Variants in OSBPL9 observed in about 807,000 individuals in gnomAD.
OSBPL9 encodes oxysterol-binding protein-related protein 9.
Under a neutral mutation model 106.6 loss-of-function variants are expected in OSBPL9, and 40 were observed. That is an observed-to-expected ratio of 0.38 (90% confidence interval 0.29 to 0.49). OSBPL9 has a LOEUF of 0.49. Among genes scored for constraint, OSBPL9 ranks in the 20% least tolerant of loss-of-function variants. The pLI is 0.97. For missense variants in OSBPL9, 609 were observed against 887.2 expected (o/e 0.69, Z 3.98); for synonymous variants, 269 against 295.4 (o/e 0.91, Z 0.92).
chr1:51,534,460 A>G, the OSBPL9 span, among the ~76,000 whole-genome samples: 1 of 152,168 alleles, frequency 6.6e-6, no homozygotes, highest in African/African-American at 2.4e-5. Context: ...TCATCCCCTG[A>G]TGTTGGTAGG....
chr1:51,731,135 A>G (rs1038036010), intron 4 of OSBPL9, among the ~76,000 whole-genome samples: 2 of 151,812 alleles, frequency 1.3e-5, no homozygotes, highest in Admixed American at 6.6e-5. Flanking sequence ...GGGAAGGTGT[A>G]TGATTAAAAG....
chr1:51,650,629 C>T (rs535320057), intron 1 of OSBPL9, among the ~76,000 whole-genome samples: 3 of 152,188 alleles, frequency 2.0e-5, no homozygotes, highest in East Asian at 1.9e-4. Context: ...TGAATTCTTA[C>T]GGCTCAAGAC....
At chr1:51,616,904 G>T (rs1033800300), upstream of OSBPL9, 5 of 788,828 alleles carry the variant, frequency 6.3e-6, no homozygotes, top group Non-Finnish European at 9.6e-6. Context: ...CAGTATTCAC[G>T]TTTGCATTCT....
chr1:51,529,129 T>C, the OSBPL9 span, among the ~76,000 whole-genome samples: 1 of 152,226 alleles, frequency 6.6e-6, no homozygotes, highest in African/African-American at 2.4e-5. Flanking sequence ...CCAGTTAGCT[T>C]CTTTGTATAA....
At chr1:51,669,574 G>T in intron 3 of OSBPL9, 62 bp downstream of exon 3, 5 of 1,531,822 alleles carry the variant, frequency 3.3e-6, no homozygotes, top group Non-Finnish European at 3.6e-6. Flanking sequence ...CTTCTCTTTT[G>T]GGTTGTTTGC....
chr1:51,596,632 T>A (rs1645301170), intron 1 of OSBPL9, among the ~76,000 whole-genome samples: 1 of 150,164 alleles, frequency 6.7e-6, no homozygotes, highest in Non-Finnish European at 1.5e-5. Context: ...ATACAAAAAT[T>A]AGCCAGGCAT....
chr1:51,675,659 T>C (rs1355100703), intron 3 of OSBPL9, among the ~76,000 whole-genome samples: 1 of 152,148 alleles, frequency 6.6e-6, no homozygotes, highest in African/African-American at 2.4e-5. Context: ...AGCTGTTAGC[T>C]TCAACCACAT....
At chr1:51,728,705 T>C (rs1161796289) in intron 4 of OSBPL9, among the ~76,000 whole-genome samples, 1 of 152,136 alleles carries the variant, frequency 6.6e-6, no homozygotes, top group Non-Finnish European at 1.5e-5. Flanking sequence ...CATTGCACCT[T>C]TTTTTGTTGT....
At chr1:51,749,329 A>G (rs372416211) in intron 7 of OSBPL9, among the ~76,000 whole-genome samples, 11 of 151,916 alleles carry the variant, frequency 7.2e-5, no homozygotes, top group African/African-American at 2.7e-4. Flanking sequence ...ATTTTTTTTT[A>G]AGAAACAGGG....
chr1:51,581,046 T>G (rs1413467379), intron 1 of OSBPL9, among the ~76,000 whole-genome samples: 1 of 145,838 alleles, frequency 6.9e-6, no homozygotes, highest in Admixed American at 6.8e-5. Context: ...CAGGTTCAGG[T>G]GATCCTCCTA....
In OSBPL9 at chr1:51,761,865, A is replaced by G; in HGVS notation, c.674-2A>G. ...CTTATTTTATACGTTCAAATCTCCT[A>G]GAACCTGTTCAGTTGTGTAAGTCAG... On this transcript the variant is annotated splice_acceptor_variant, in intron 10 of 23. Coordinates refer to ENST00000428468, the MANE Select transcript of OSBPL9 (RefSeq NM_024586.6). LOFTEE classifies it high-confidence loss of function. 1 of 1,605,974 alleles carries G rather than the reference A, an allele frequency of 6.2e-7. No homozygotes were observed. The highest frequency in any genetic ancestry group is 8.5e-7 in the Non-Finnish European group (1 of 1,172,768).
At chr1:51,576,403 T>A (rs1411382843), upstream of OSBPL9, among the ~76,000 whole-genome samples, 2 of 152,194 alleles carry the variant, frequency 1.3e-5, no homozygotes, top group Non-Finnish European at 2.9e-5. Context: ...CAAAAAGATG[T>A]GTTATGTATT....
At chr1:51,726,892 G>A (rs112556731) in intron 4 of OSBPL9, among the ~76,000 whole-genome samples, 6 of 152,184 alleles carry the variant, frequency 3.9e-5, no homozygotes, top group African/African-American at 1.2e-4. Flanking sequence ...TTTGTGTTGT[G>A]TAATTACTTT....
chr1:51,551,786 G>T, the OSBPL9 span, among the ~76,000 whole-genome samples: 1 of 151,648 alleles, frequency 6.6e-6, no homozygotes, highest in African/African-American at 2.4e-5. Context: ...AGGGATGGGG[G>T]TTCACTATGT....
intron 3 of OSBPL9, among the ~76,000 whole-genome samples, chr1:51,675,983 C>T (rs1184296411): frequency 6.6e-6 from 1 of 151,996 alleles, no homozygotes; most frequent in Non-Finnish European, 1.5e-5. Flanking sequence ...TACTGTTATA[C>T]TATTAGTGTT....
intron 6 of OSBPL9, among the ~76,000 whole-genome samples, 188 bp from the exon 7 acceptor site, chr1:51,748,181 A>T (rs199992006): frequency 6.6e-6 from 1 of 152,224 alleles, no homozygotes; most frequent in East Asian, 1.9e-4. Context: ...AAAGTCTGGA[A>T]TTTTTATACA....
intron 2 of OSBPL9, among the ~76,000 whole-genome samples, chr1:51,607,131 T>C (rs561177887): frequency 1.3e-5 from 2 of 151,006 alleles, no homozygotes; most frequent in Non-Finnish European, 2.9e-5. Context: ...TCCCACAAAC[T>C]GACTACAGAT....
chr1:51,762,361 C>T (rs1282393844), intron 11 of OSBPL9, among the ~76,000 whole-genome samples: 2 of 152,022 alleles, frequency 1.3e-5, no homozygotes, highest in Admixed American at 1.3e-4. Flanking sequence ...AGGAGTCTCC[C>T]TATGTTGCTC....
intron 8 of OSBPL9, among the ~76,000 whole-genome samples, chr1:51,751,347 G>A (rs982696714): frequency 6.6e-6 from 1 of 152,068 alleles, no homozygotes; most frequent in Non-Finnish European, 1.5e-5. Flanking sequence ...ACAGGCGTGA[G>A]CTACCAAACC....
Sources: gnomAD v4.1 joint callset for allele counts (sites outside exome capture counted in the v4.1 genomes callset) on GRCh38, gnomAD v4.1.1 for gene constraint, MANE v1.5 for transcripts, NCBI Gene and HGNC (gene_info 2026-07-23, HGNC 2026-07-21) for gene names.